GRM8: variants seen among roughly 807,000 people sequenced by gnomAD.
GRM8 encodes metabotropic glutamate receptor 8.
A neutral mutation model predicts 87.2 loss-of-function variants in GRM8; 47 were observed. That is an observed-to-expected ratio of 0.54 (90% CI 0.43 to 0.69). The LOEUF is 0.69. GRM8 is among the 30% of genes least tolerant of loss of function. The pLI is 0.00. For missense variants in GRM8, 1,019 were observed against 1,139.2 expected (o/e 0.89, Z 1.52); for synonymous variants, 396 against 404.5 (o/e 0.98, Z 0.25).
At chr7:127,102,107 A>G (rs1178932056) in intron 3 of GRM8, among the ~76,000 whole-genome samples, 1 of 152,214 alleles carries the variant, frequency 6.6e-6, no homozygotes. Context: ...CCTAGGGTAT[A>G]CAGCAGAAGA....
intron 7 of GRM8, among the ~76,000 whole-genome samples, chr7:126,683,922 G>A (rs1452359896): frequency 2.6e-5 from 4 of 152,124 alleles, no homozygotes; most frequent in Non-Finnish European, 5.9e-5. Context: ...AAACATTTCT[G>A]AGGTTTTTAG....
intron 3 of GRM8, among the ~76,000 whole-genome samples, chr7:126,951,808 T>C (rs1808193267): frequency 6.6e-6 from 1 of 152,040 alleles, no homozygotes; most frequent in African/African-American, 2.4e-5. Flanking sequence ...GAGTTTACAG[T>C]ATTTAGTATA....
In GRM8 at chr7:126,725,485, T is replaced by C. The variant is rs116470518; in HGVS notation, c.1357+44380A>G. Among the ~76,000 whole-genome samples the C allele has an allele frequency of 2.3e-3, 354 of 152,286 alleles. 1 individual carries two copies. The highest frequency in any genetic ancestry group is 8.1e-3 in the African/African-American group (337 of 41,588). The stretch of plus-strand genomic sequence containing the variant: ...TACAGAATAATCCAATCTGGTCCAC[T>C]CCTACTCTAAAGCCCTGACTGTAAC... On this transcript the variant is annotated intron_variant, in intron 7 of 10. Transcript: ENST00000339582.
intron 3 of GRM8, among the ~76,000 whole-genome samples, chr7:126,925,600 A>G (rs1187025531): frequency 6.6e-6 from 1 of 152,190 alleles, no homozygotes; most frequent in African/African-American, 2.4e-5. Flanking sequence ...TATTTCTTTC[A>G]GTCTTTATCC....
At chr7:126,755,415 CT>C (rs989915136) in intron 7 of GRM8, among the ~76,000 whole-genome samples, 4 of 151,488 alleles carry the variant, frequency 2.6e-5, no homozygotes, top group Non-Finnish European at 1.5e-5. Flanking sequence ...CAGTCAAAAG[CT>C]TTTTTTTGCA....
rs558843051 is a variant in GRM8 at position 126,449,382 on chromosome 7, T to A, written c.2431-3010A>T. On this transcript the variant is annotated intron_variant, in intron 9 of 10. Coordinates refer to ENST00000339582, the MANE Select transcript of GRM8 (RefSeq NM_000845.3). ...GGTAATACTTTTCTCATAGAGGAGT[T>A]ACAGGGTAGCATGATATATTTATAA... is the stretch of plus-strand genomic sequence containing the variant. 7.9e-5 allele frequency among the ~76,000 whole-genome samples: 12 copies of A among 151,910 alleles called. No homozygotes were observed. In the South Asian group the frequency reaches 2.3e-3, roughly 29 times the overall value.
At chr7:126,652,712 T>C (rs1024826062) in intron 7 of GRM8, among the ~76,000 whole-genome samples, 1 of 152,192 alleles carries the variant, frequency 6.6e-6, no homozygotes, top group Non-Finnish European at 1.5e-5. Flanking sequence ...CTGGCTTCCT[T>C]GCTTCTCAAC....
At chr7:126,990,204 G>T (rs1047655877) in intron 3 of GRM8, among the ~76,000 whole-genome samples, 1 of 152,002 alleles carries the variant, frequency 6.6e-6, no homozygotes, top group African/African-American at 2.4e-5. Flanking sequence ...TTCTTCTGTG[G>T]CTAGGAACAC....
intron 3 of GRM8, among the ~76,000 whole-genome samples, chr7:126,971,178 A>C (rs965210997): frequency 4.8e-4 from 70 of 147,104 alleles, no homozygotes; most frequent in African/African-American, 1.7e-3. Flanking sequence ...AAAAAAAAAA[A>C]AAAAAACACT....
chr7:126,928,671 CAAAA>C (rs57576564), intron 3 of GRM8, among the ~76,000 whole-genome samples: 2 of 98,542 alleles, frequency 2.0e-5, no homozygotes, highest in Non-Finnish European at 2.2e-5. Context: ...GACCCTGCCT[CAAAA>C]AAAAAAAAAA....
At chr7:126,967,134 G>T (rs951293928) in intron 3 of GRM8, among the ~76,000 whole-genome samples, 1 of 150,804 alleles carries the variant, frequency 6.6e-6, no homozygotes, top group African/African-American at 2.4e-5. Context: ...TCTGGTAGTT[G>T]TTGGCACTGC....
At chr7:126,696,926 T>A (rs1226393209) in intron 7 of GRM8, among the ~76,000 whole-genome samples, 5 of 152,108 alleles carry the variant, frequency 3.3e-5, no homozygotes, top group African/African-American at 1.2e-4. Context: ...CACGCCAATG[T>A]TCGTTGCAGC....
intron 6 of GRM8, among the ~76,000 whole-genome samples, chr7:126,880,282 A>C (rs1799905310): frequency 1.3e-5 from 2 of 152,356 alleles, no homozygotes; most frequent in African/African-American, 2.4e-5. Context: ...AAAATGCTTC[A>C]GCAATGATTT....
chr7:126,766,431 T>C (rs1818198319), intron 7 of GRM8, among the ~76,000 whole-genome samples: 1 of 152,142 alleles, frequency 6.6e-6, no homozygotes, highest in Non-Finnish European at 1.5e-5. Context: ...ATTTTATCTA[T>C]ACAAAAATTA....
intron 3 of GRM8, among the ~76,000 whole-genome samples, chr7:126,995,175 C>T (rs550932662): frequency 2.0e-5 from 3 of 152,158 alleles, no homozygotes; most frequent in Non-Finnish European, 2.9e-5. Context: ...CTGTATTACT[C>T]GGCTTGGAAC....
At position 126,620,657 on chromosome 7, in the gene GRM8, G is replaced by A. The variant is rs76856657; in HGVS notation, c.1358-11159C>T. 5.8e-3 allele frequency among the ~76,000 whole-genome samples: 851 copies of A among 147,704 alleles called. 8 individuals are homozygous for A. The highest frequency in any genetic ancestry group is 0.021 in the African/African-American group (821 of 39,894). On this transcript the variant is annotated intron_variant, in intron 7 of 10. Transcript: ENST00000339582. ...CCTCCTTAAGCCTGTTTTCTCATCT[G>A]CCAAGCAGGCATAATAACCCCAACC...
chr7:126,663,697 C>A (rs913492260), intron 7 of GRM8, among the ~76,000 whole-genome samples: 1 of 152,096 alleles, frequency 6.6e-6, no homozygotes. Context: ...ACTGAACAGG[C>A]AAAAGCTGGA....
chr7:127,209,245 C>A (rs917053138), intron 2 of GRM8, among the ~76,000 whole-genome samples: 4 of 152,156 alleles, frequency 2.6e-5, no homozygotes, highest in African/African-American at 9.7e-5. Context: ...GGATAAGGAG[C>A]AGGGATACAC....
rs1817741680 is a variant in GRM8 at position 127,035,212 on chromosome 7, A to T, written c.727+71284T>A. On this transcript the variant is annotated intron_variant, in intron 3 of 10. Transcript: ENST00000339582. The stretch of plus-strand genomic sequence containing the variant: ...GGGCAGAATGTCAAAACATGACAAG[A>T]TCACTAGCCCAGATCCCCTGGAAAA... Among the ~76,000 whole-genome samples, 3 of 152,316 alleles carry T rather than the reference A, an allele frequency of 2.0e-5. No individual in the cohort carries two copies. The South Asian group carries it at 6.2e-4, about 32-fold the overall frequency.
Sources: allele counts gnomAD v4.1 joint callset (sites outside exome capture counted in the v4.1 genomes callset), GRCh38; gene constraint gnomAD v4.1.1; transcripts MANE v1.5; gene names NCBI Gene and HGNC (gene_info 2026-07-23, HGNC 2026-07-21).